The following PNCK variants were observed in gnomAD, a reference collection of about 807,000 sequenced individuals.
PNCK encodes pregnancy up-regulated nonubiquitous CaM kinase, also known as calcium/calmodulin-dependent protein kinase type 1B.
A neutral mutation model predicts 28.3 loss-of-function variants in PNCK; 21 were observed. The observed-to-expected ratio is 0.74, with a 90% confidence interval of 0.53 to 1.07. The LOEUF (loss-of-function observed/expected upper bound fraction) is 1.07, where lower values mean the gene tolerates loss of function less well. Ranked by LOEUF, PNCK falls within the 50% of genes least tolerant of loss-of-function variation. The pLI, the probability that PNCK is intolerant of heterozygous loss-of-function variation, is 0.00. For synonymous variants in PNCK, 136 were observed against 125.2 expected (o/e 1.09, Z -0.58); for missense variants, 250 against 298.3 (o/e 0.84, Z 1.19).
Position 153,669,913 on chromosome X carries a change from G to A in PNCK, c.*225C>T, listed in dbSNP as rs782117300. The stretch of plus-strand genomic sequence containing the variant: ...TTGGCGGGGCGGGGGGGGCAGGGGC[G>A]GGAGAGGCAACAGGGGAGGGGAGCC... On this transcript the variant is annotated 3_prime_UTR_variant, in exon 12 of 12. Transcript: ENST00000340888. The A allele has an allele frequency of 1.2e-3, 393 of 339,626 alleles. No homozygotes were observed. Among genetic ancestry groups the A allele is most frequent in the African/African-American group, 9.7e-3 (367 of 37,843 alleles). The allele number at this position is 339,626 out of a possible 1,213,427, so 28.0% of individuals were successfully genotyped here. A position where few individuals can be genotyped will look rare whatever the true frequency, so the allele number is the denominator to read the frequency against.
At chrX:153,684,011 GC>G (rs782748935) in intron 1 of PNCK, among the ~76,000 whole-genome samples, 1 of 112,589 alleles carries the variant, frequency 8.9e-6, no homozygotes, top group Non-Finnish European at 1.9e-5. Context: ...TTCCATGTTA[GC>G]AGAATTCAGG....
upstream of PNCK, among the ~76,000 whole-genome samples, chrX:153,676,967 C>A (rs2091368964): frequency 8.9e-6 from 1 of 111,738 alleles, no homozygotes; most frequent in Admixed American, 9.5e-5. Flanking sequence ...AACATGGAGT[C>A]TCAGTCTTGT....
At chrX:153,677,427 C>T (rs1470216165), upstream of PNCK, among the ~76,000 whole-genome samples, 1 of 109,684 alleles carries the variant, frequency 9.1e-6, no homozygotes, top group Non-Finnish European at 1.9e-5. Context: ...GTGTTGGAGA[C>T]GAAGATCTGG....
chrX:153,679,566 C>CTTTTTTT (rs1211891003), upstream of PNCK, among the ~76,000 whole-genome samples: 3 of 46,089 alleles, frequency 6.5e-5, no homozygotes, highest in Non-Finnish European at 8.1e-5. Flanking sequence ...CTTTTCTTTT[C>CTTTTTTT]TTTTTTTTTT....
At chrX:153,670,236 T>C in intron 11 of PNCK, 106 bp from the exon 12 acceptor site, 1 of 487,866 alleles carries the variant, frequency 2.0e-6, no homozygotes, top group Non-Finnish European at 3.3e-6. Flanking sequence ...AGAGGCCCTC[T>C]CCCCCTGCAC....
chrX:153,669,897 C>T lies in PNCK; in HGVS notation c.*241G>A, dbSNP rs1271964648. Reference sequence around the variant, plus strand: ...AGCACCCCCTCGGCTTTTGGCGGGGCGGGGGGGGCAGGGGCGGGAGAGGCA... The same window carrying T: ...AGCACCCCCTCGGCTTTTGGCGGGGTGGGGGGGGCAGGGGCGGGAGAGGCA... On this transcript the variant is annotated 3_prime_UTR_variant, in exon 12 of 12. Transcript: ENST00000340888. 2.4e-5 allele frequency: 8 copies of T among 336,568 alleles called. No homozygotes were observed. Among genetic ancestry groups the T allele is most frequent in the African/African-American group, 8.1e-5 (3 of 37,126 alleles). 27.7% of individuals were successfully genotyped at this position (336,568 alleles called of 1,213,427 possible).
intron 1 of PNCK, among the ~76,000 whole-genome samples, chrX:153,680,617 C>T (rs2091390936): frequency 9.0e-6 from 1 of 110,852 alleles, no homozygotes; most frequent in Non-Finnish European, 1.9e-5. Flanking sequence ...GTCCCAGCTA[C>T]TTGGGAGGCT....
At chrX:153,672,741 A>G (rs782095846) in intron 2 of PNCK, 44 bp from the exon 3 acceptor site, 14 of 1,166,046 alleles carry the variant, frequency 1.2e-5, no homozygotes, top group Non-Finnish European at 1.6e-5. Flanking sequence ...AAGTGGGAAG[A>G]GAGGAGAGGC....
Position 153,672,007 on chromosome X carries a change from C to A in PNCK, c.287G>T (p.Gly96Val). The change falls in exon 5 of 12, where the codon GGC becomes GTC. Residue 96 changes from glycine (G) to valine (V), a missense_variant. Coordinates refer to ENST00000340888, the MANE Select transcript of PNCK (RefSeq NM_001366977.1). Reference protein sequence around the residue: ...LYLAMELVTGGELFDRIMERG... With the variant: ...LYLAMELVTGVELFDRIMERG... ...CTCCATGATGCGGTCAAACAGCTCG[C>A]CACCCGTCACCCTGGGGGTGCCAGG... 1 of 1,210,550 alleles carries A rather than the reference C, an allele frequency of 8.3e-7. No homozygotes were observed.
rs114110700 is a variant in PNCK at position 153,672,780 on chromosome X, G to A, written c.69-83C>T. The A allele has an allele frequency of 5.3e-3, 5,711 of 1,075,265 alleles. 187 individuals carry two copies. In the African/African-American group the frequency reaches 0.089, roughly 17 times the overall value. The allele number at this position is 1,075,265 out of a possible 1,213,427, so 88.6% of individuals were successfully genotyped here. A position where few individuals can be genotyped will look rare whatever the true frequency, so the allele number is the denominator to read the frequency against. ...AGGGAGAGAGAGTGGAGCGGGGAGG[G>A]CCCCCTGTGAAGGAGATGGGGAGGC... On this transcript the variant is annotated intron_variant, in intron 2 of 11. Transcript: ENST00000340888.
At chrX:153,675,987 C>CTTTTTTTTTTTT (rs59527995), upstream of PNCK, among the ~76,000 whole-genome samples, 4 of 79,973 alleles carry the variant, frequency 5.0e-5, no homozygotes, top group Non-Finnish European at 9.9e-5. Flanking sequence ...TTTTTCTTTT[C>CTTTTTTTTTTTT]TTTTTTTTTT....
intron 2 of PNCK, 32 bp from the exon 3 acceptor site, chrX:153,672,729 G>A (rs2091320475): frequency 1.7e-6 from 2 of 1,177,000 alleles, no homozygotes; most frequent in Non-Finnish European, 2.3e-6. Context: ...GAGGTGGGAA[G>A]GAAGTGGGAA....
chrX:153,672,768 G>A (rs2091321200), intron 2 of PNCK, 71 bp from the exon 3 acceptor site: 1 of 1,099,525 alleles, frequency 9.1e-7, no homozygotes, highest in Admixed American at 2.5e-5. Flanking sequence ...GAGAGAGAGT[G>A]GAGCGGGGAG....
At position 153,670,768 on chromosome X, in the gene PNCK, C is replaced by A; in HGVS notation, c.870G>T (p.Lys290Asn). 12 of 1,210,822 alleles carry A rather than the reference C, an allele frequency of 9.9e-6. No individual in the cohort carries two copies. The highest frequency in any genetic ancestry group is 1.2e-5 in the Non-Finnish European group (11 of 894,680). The change falls in exon 10 of 12, where the codon AAG (lysine) becomes AAT (asparagine). Residue 290 changes from lysine to asparagine, a missense_variant. Coordinates refer to ENST00000340888, the MANE Select transcript of PNCK (RefSeq NM_001366977.1). ...CCTTCCAGTGTGTCCGAGCAAAGTT[C>A]TTCCGGATCTGCTCACTGACAGAGC... ...ILGSVSEQIR[K>N]NFARTHWKRA...
At chrX:153,677,799 A>G (rs1249020032), upstream of PNCK, among the ~76,000 whole-genome samples, 8 of 105,151 alleles carry the variant, frequency 7.6e-5, no homozygotes, top group African/African-American at 1.4e-4. Flanking sequence ...TAGTGTGTGT[A>G]TATATAGTGT....
chrX:153,680,489 A>G (rs1235431345), intron 1 of PNCK, among the ~76,000 whole-genome samples: 5 of 110,071 alleles, frequency 4.5e-5, no homozygotes, highest in Non-Finnish European at 5.7e-5. Context: ...CACTTCCTGT[A>G]TAGTCTCCAG....
upstream of PNCK, among the ~76,000 whole-genome samples, chrX:153,678,000 T>C (rs2091378423): frequency 9.3e-6 from 1 of 107,293 alleles, no homozygotes; most frequent in Non-Finnish European, 1.9e-5. Context: ...CAACCCATGT[T>C]ATGTTACTAA....
intron 1 of PNCK, chrX:153,687,052 T>C (rs1254066168): frequency 6.7e-6 from 1 of 149,829 alleles, no homozygotes; most frequent in Non-Finnish European, 1.3e-5. Context: ...CAGGCTACTC[T>C]TAGCCCTAGA....
chrX:153,672,335 C>T (rs1215282522), intron 3 of PNCK, 135 bp from the exon 4 acceptor site: 7 of 849,346 alleles, frequency 8.2e-6, no homozygotes, highest in Non-Finnish European at 1.1e-5. Context: ...CACCCCTGCC[C>T]GGTCCAGGAA....
Sources: allele counts gnomAD v4.1 joint callset (sites outside exome capture counted in the v4.1 genomes callset), GRCh38; gene constraint gnomAD v4.1.1; transcripts MANE v1.5; gene names NCBI Gene and HGNC (gene_info 2026-07-23, HGNC 2026-07-21).